FTO: variants seen among roughly 807,000 people sequenced by gnomAD.
The protein encoded by FTO is FTO alpha-ketoglutarate dependent dioxygenase, also known as alpha-ketoglutarate-dependent dioxygenase FTO.
Under a neutral mutation model 63.9 loss-of-function variants are expected in FTO, and 47 were observed. The observed-to-expected ratio is 0.74, with a 90% CI of 0.58 to 0.94. The LOEUF (loss-of-function observed/expected upper bound fraction) is 0.94. FTO is among the 40% of genes least tolerant of loss of function. The pLI, the probability that FTO is intolerant of heterozygous loss-of-function variation, is 0.00. For missense variants in FTO, 562 were observed against 618.1 expected (o/e 0.91, Z 0.96); for synonymous variants, 207 against 224.4 (o/e 0.92, Z 0.69).
intron 3 of FTO, among the ~76,000 whole-genome samples, chr16:53,833,042 G>C (rs934230833): frequency 6.6e-6 from 1 of 152,148 alleles, no homozygotes; most frequent in Admixed American, 6.5e-5. Flanking sequence ...TTGTGGGAGG[G>C]ACCAAAGAGG....
At chr16:53,856,569 G>A (rs955817707) in intron 4 of FTO, among the ~76,000 whole-genome samples, 3 of 152,076 alleles carry the variant, frequency 2.0e-5, no homozygotes, top group Admixed American at 6.6e-5. Flanking sequence ...GGGCAACATG[G>A]TGAAAGGCTG....
In FTO at chr16:53,856,094, A is replaced by AT. The variant is rs397798395; in HGVS notation, c.895+11807dup. On this transcript the variant is annotated intron_variant, in intron 4 of 8. Coordinates refer to ENST00000471389, the MANE Select transcript of FTO (RefSeq NM_001080432.3). ...TTCCCAAAGGCATGAGCTATAGAAAATTTTTTTTTTTAGGCCTTTATGTAG... is the reference window on the plus strand; with the variant it reads ...TTCCCAAAGGCATGAGCTATAGAAAATTTTTTTTTTTTAGGCCTTTATGTAG... Among the ~76,000 whole-genome samples, 26 of 146,806 alleles carry AT rather than the reference A, an allele frequency of 1.8e-4. No homozygotes were observed. The East Asian group carries it at 1.8e-3, about 10-fold the overall frequency.
chr16:53,948,104 C>T (rs533521429), intron 8 of FTO, among the ~76,000 whole-genome samples: 2 of 152,252 alleles, frequency 1.3e-5, no homozygotes, highest in Non-Finnish European at 2.9e-5. Flanking sequence ...GGTGATTTCT[C>T]CTTGTGTGTT....
chr16:53,890,006 C>G (rs955441993), intron 7 of FTO, among the ~76,000 whole-genome samples: 3 of 152,092 alleles, frequency 2.0e-5, no homozygotes, highest in East Asian at 3.9e-4. Flanking sequence ...GTAACTTCCT[C>G]GAGGTCACCC....
At chr16:53,843,735 A>G (rs1190550446) in intron 3 of FTO, among the ~76,000 whole-genome samples, 1 of 152,190 alleles carries the variant, frequency 6.6e-6, no homozygotes, top group South Asian at 2.1e-4. Context: ...GAATTTAGAA[A>G]GTACTGACAT....
intron 7 of FTO, among the ~76,000 whole-genome samples, chr16:53,919,877 G>T (rs2081967809): frequency 6.6e-6 from 1 of 152,106 alleles, no homozygotes. Context: ...TACACATTGG[G>T]TACAGTGTAC....
chr16:53,955,420 G>A (rs1432740244), intron 8 of FTO, among the ~76,000 whole-genome samples: 1 of 152,122 alleles, frequency 6.6e-6, no homozygotes, highest in Non-Finnish European at 1.5e-5. Flanking sequence ...CAATTGGGGA[G>A]GGGAATGGAA....
chr16:54,015,044 A>G (rs1254676752), intron 8 of FTO, among the ~76,000 whole-genome samples: 1 of 149,132 alleles, frequency 6.7e-6, no homozygotes, highest in Non-Finnish European at 1.5e-5. Flanking sequence ...TTTTCTTTTT[A>G]GAGACATGGT....
intron 1 of FTO, among the ~76,000 whole-genome samples, chr16:53,722,237 T>C (rs2076057547): frequency 1.3e-5 from 2 of 152,346 alleles, no homozygotes; most frequent in South Asian, 4.1e-4. Flanking sequence ...TTAGGTCATA[T>C]TAAATTTTAC....
chr16:53,980,821 C>A (rs767286037), intron 8 of FTO, among the ~76,000 whole-genome samples: 2 of 152,030 alleles, frequency 1.3e-5, no homozygotes, highest in Non-Finnish European at 2.9e-5. Flanking sequence ...TTTTTAATAG[C>A]GGCATTGTTT....
intron 1 of FTO, among the ~76,000 whole-genome samples, chr16:53,749,531 C>A (rs932409790): frequency 2.0e-5 from 3 of 151,802 alleles, no homozygotes; most frequent in Non-Finnish European, 2.9e-5. Flanking sequence ...CTCCGCCTCC[C>A]GGGTTCATGC....
intron 8 of FTO, among the ~76,000 whole-genome samples, chr16:54,061,487 G>A (rs1308465643): frequency 6.6e-6 from 1 of 152,050 alleles, no homozygotes; most frequent in Non-Finnish European, 1.5e-5. Context: ...TTGCTTTTAG[G>A]TTTGTTTTTC....
chr16:53,944,050 A>G (rs1322006096), intron 8 of FTO, among the ~76,000 whole-genome samples: 4 of 152,186 alleles, frequency 2.6e-5, no homozygotes, highest in Admixed American at 1.3e-4. Context: ...TTGGGGGATT[A>G]CCTGTGATAA....
chr16:53,832,424 GT>G (rs1490870629), intron 3 of FTO, among the ~76,000 whole-genome samples: 1 of 151,672 alleles, frequency 6.6e-6, no homozygotes. Context: ...TTTTTTTATT[GT>G]TTTTTATTTG....
chr16:53,725,482 G>A (rs1292250231), intron 1 of FTO, among the ~76,000 whole-genome samples: 1 of 152,208 alleles, frequency 6.6e-6, no homozygotes, highest in African/African-American at 2.4e-5. Flanking sequence ...AAAACTATAT[G>A]TAGTAATCTG....
intron 8 of FTO, chr16:53,993,077 A>G (rs1424782336): frequency 2.0e-5 from 3 of 152,180 alleles, no homozygotes; most frequent in Admixed American, 1.3e-4. Context: ...CCCTGTTTCT[A>G]CTTTTCTCGT....
intron 1 of FTO, among the ~76,000 whole-genome samples, chr16:53,771,759 A>G (rs993013737): frequency 6.6e-6 from 1 of 152,146 alleles, no homozygotes; most frequent in Non-Finnish European, 1.5e-5. Flanking sequence ...TGGCATAACC[A>G]TACAATGGAA....
intron 7 of FTO, among the ~76,000 whole-genome samples, chr16:53,889,649 A>G (rs2081097867): frequency 6.6e-6 from 1 of 152,088 alleles, no homozygotes; most frequent in Non-Finnish European, 1.5e-5. Context: ...GGGCCCTTGG[A>G]TGCTGAGGAG....
chr16:53,789,314 G>A (rs1238956539), intron 1 of FTO, among the ~76,000 whole-genome samples: 1 of 152,190 alleles, frequency 6.6e-6, no homozygotes, highest in Non-Finnish European at 1.5e-5. Flanking sequence ...AAAGCAACAA[G>A]TACTACTTGT....
Sources: allele counts gnomAD v4.1 joint callset (sites outside exome capture counted in the v4.1 genomes callset), GRCh38; gene constraint gnomAD v4.1.1; transcripts MANE v1.5; gene names NCBI Gene and HGNC (gene_info 2026-07-23, HGNC 2026-07-21).